Variants in NTN1 observed in about 807,000 individuals in gnomAD.
NTN1 encodes the protein netrin 1, also known as netrin-1.
NTN1 carries 11 observed loss-of-function variants against 54.2 expected under a neutral mutation model. That is an observed-to-expected ratio of 0.20 (90% CI 0.13 to 0.34). The LOEUF (loss-of-function observed/expected upper bound fraction) is 0.34. NTN1 is among the 10% of genes least tolerant of loss of function. The pLI, the probability that NTN1 is intolerant of heterozygous loss-of-function variation, is 1.00. For synonymous variants in NTN1, 371 were observed against 382.0 expected (o/e 0.97, Z 0.33); for missense variants, 740 against 893.1 (o/e 0.83, Z 2.18).
rs116183663 is a variant in NTN1, at chr17:9,032,479, G to A, written c.1018+9088G>A. On this transcript the variant is annotated intron_variant, in intron 2 of 6. Coordinates refer to ENST00000173229, the MANE Select transcript of NTN1 (RefSeq NM_004822.3). The stretch of plus-strand genomic sequence containing the variant: ...TGAGGCTTCCTGGGGCTTCTCCCAC[G>A]TGAAGGTCGTTCCTTCCACTCAGAA... Among the ~76,000 whole-genome samples the A allele has an allele frequency of 5.9e-5, 9 of 152,268 alleles. No individual in the cohort carries two copies. The East Asian group carries it at 7.7e-4, about 13-fold the overall frequency.
At chr17:9,072,669 G>A (rs2092035990) in intron 2 of NTN1, among the ~76,000 whole-genome samples, 1 of 152,156 alleles carries the variant, frequency 6.6e-6, no homozygotes, top group Non-Finnish European at 1.5e-5. Context: ...GGAAGTGAGT[G>A]GGAGGCAGGG....
At chr17:9,226,569 G>A (rs945705812) in intron 6 of NTN1, among the ~76,000 whole-genome samples, 4 of 151,714 alleles carry the variant, frequency 2.6e-5, no homozygotes, top group East Asian at 1.9e-4. Flanking sequence ...TCACCTGGCC[G>A]CCCTCTCCTG....
intron 2 of NTN1, among the ~76,000 whole-genome samples, chr17:9,065,805 T>C (rs945135905): frequency 6.6e-6 from 1 of 152,268 alleles, no homozygotes; most frequent in Admixed American, 6.5e-5. Context: ...TTAATCACTT[T>C]ACCATCTACT....
the NTN1 span, among the ~76,000 whole-genome samples, chr17:9,011,534 T>A: frequency 1.3e-5 from 2 of 152,208 alleles, no homozygotes; most frequent in African/African-American, 4.8e-5. Context: ...AAGACCCTTT[T>A]ACACCCATAT....
chr17:9,084,888 T>C (rs2092085405), intron 2 of NTN1, among the ~76,000 whole-genome samples: 1 of 152,020 alleles, frequency 6.6e-6, no homozygotes, highest in South Asian at 2.1e-4. Context: ...CCTGACCTCG[T>C]GATCTGCCTG....
At chr17:9,016,112 C>T in the NTN1 span, among the ~76,000 whole-genome samples, 20 of 152,026 alleles carry the variant, frequency 1.3e-4, no homozygotes, top group Non-Finnish European at 2.8e-4. Flanking sequence ...CACAAAACTC[C>T]TGTTCCTTTA....
intron 2 of NTN1, among the ~76,000 whole-genome samples, chr17:9,131,775 T>C (rs1339167664): frequency 2.0e-5 from 3 of 152,094 alleles, no homozygotes; most frequent in Non-Finnish European, 4.4e-5. Flanking sequence ...AGAGACAGGG[T>C]TTCGCCATGC....
chr17:9,147,840 ATGAAT>A (rs2142286041), intron 2 of NTN1, among the ~76,000 whole-genome samples: 1 of 152,340 alleles, frequency 6.6e-6, no homozygotes, highest in South Asian at 2.1e-4. Context: ...TGAGCTCTAA[ATGAAT>A]TGTACCTAGT....
the NTN1 span, among the ~76,000 whole-genome samples, chr17:9,012,368 G>A: frequency 6.6e-6 from 1 of 152,070 alleles, no homozygotes; most frequent in African/African-American, 2.4e-5. Context: ...AAAATTAGCT[G>A]GGCGTGGTGG....
At chr17:9,107,521 T>A (rs1184560409) in intron 2 of NTN1, among the ~76,000 whole-genome samples, 1 of 152,226 alleles carries the variant, frequency 6.6e-6, no homozygotes, top group Non-Finnish European at 1.5e-5. Flanking sequence ...AACCACTGAC[T>A]TAGACCCCTG....
At chr17:9,027,931 C>A (rs1211079736) in intron 2 of NTN1, among the ~76,000 whole-genome samples, 1 of 152,074 alleles carries the variant, frequency 6.6e-6, no homozygotes. Context: ...TTCCTCCAGC[C>A]TGGCCAACAT....
intron 6 of NTN1, among the ~76,000 whole-genome samples, chr17:9,234,226 TGA>T (rs1408729434): frequency 6.6e-6 from 1 of 152,206 alleles, no homozygotes; most frequent in African/African-American, 2.4e-5. Flanking sequence ...TCCTGGTGGC[TGA>T]GAGAGTTCTT....
intron 5 of NTN1, among the ~76,000 whole-genome samples, chr17:9,193,920 T>TAAAAAAAAAAAAAAAAAA (rs71361871): frequency 4.0e-4 from 18 of 44,898 alleles, no homozygotes; most frequent in African/African-American, 1.1e-3. Flanking sequence ...AAACTCCGAC[T>TAAAAAAAAAAAAAAAAAA]AAAAAAAAAA....
At chr17:9,113,389 T>C (rs2092199181) in intron 2 of NTN1, among the ~76,000 whole-genome samples, 1 of 152,002 alleles carries the variant, frequency 6.6e-6, no homozygotes, top group South Asian at 2.1e-4. Flanking sequence ...TTTGCGAAAA[T>C]GTTGTGACTA....
chr17:9,195,462 A>G (rs1904606212), intron 5 of NTN1, among the ~76,000 whole-genome samples: 1 of 152,134 alleles, frequency 6.6e-6, no homozygotes, highest in African/African-American at 2.4e-5. Flanking sequence ...GGTGTCAGGG[A>G]GAGAGAGGAT....
intron 2 of NTN1, among the ~76,000 whole-genome samples, chr17:9,100,738 A>G (rs1209658291): frequency 6.6e-6 from 1 of 152,090 alleles, no homozygotes; most frequent in Non-Finnish European, 1.5e-5. Flanking sequence ...ATTTTTTCCA[A>G]TATGATGTTT....
intron 2 of NTN1, among the ~76,000 whole-genome samples, chr17:9,106,455 TCCTTCCTTCCTC>T (rs1347935170): frequency 0.024 from 2,908 of 122,796 alleles, 111 homozygotes; most frequent in Non-Finnish European, 0.036. Flanking sequence ...GGCATTTCCT[TCCTTCCTTCCTC>T]CCTTCCTTCC....
intron 2 of NTN1, among the ~76,000 whole-genome samples, chr17:9,117,245 G>A (rs1447773680): frequency 6.6e-6 from 1 of 152,200 alleles, no homozygotes; most frequent in East Asian, 1.9e-4. Context: ...GGCAGCCAGG[G>A]GAAGGAGCTG....
chr17:9,160,485 C>G (rs566703822), intron 2 of NTN1, among the ~76,000 whole-genome samples: 1 of 152,146 alleles, frequency 6.6e-6, no homozygotes, highest in East Asian at 1.9e-4. Context: ...CCCCACAAAA[C>G]TAGATGTATA....
Sources: gnomAD v4.1 joint callset for allele counts (sites outside exome capture counted in the v4.1 genomes callset) on GRCh38, gnomAD v4.1.1 for gene constraint, MANE v1.5 for transcripts, NCBI Gene and HGNC (gene_info 2026-07-23, HGNC 2026-07-21) for gene names.